The following SPINT4 variants were observed in gnomAD, a reference collection of about 807,000 sequenced individuals.
The protein encoded by SPINT4 is kunitz-type protease inhibitor 4.
A neutral mutation model predicts 9.4 loss-of-function variants in SPINT4; 7 were observed. That is an observed-to-expected ratio of 0.74 (90% confidence interval 0.42 to 1.40). The LOEUF (loss-of-function observed/expected upper bound fraction) is 1.40. Ranked by LOEUF, SPINT4 falls within the 40% of genes most tolerant of loss-of-function variation. SPINT4 has a pLI of 0.01. For missense variants in SPINT4, 105 were observed against 114.4 expected (o/e 0.92, Z 0.37); for synonymous variants, 36 against 39.9 (o/e 0.90, Z 0.37).
In SPINT4 at chr20:45,725,698, G is replaced by C; in HGVS notation, c.*63G>C. ...CGAAATAAAGACACAAGAAAATTCAGACTGATTTTGAAATCTTTGTAATAT... is the reference window on the plus strand; with the variant it reads ...CGAAATAAAGACACAAGAAAATTCACACTGATTTTGAAATCTTTGTAATAT... On this transcript the variant is annotated 3_prime_UTR_variant, in exon 3 of 3. Transcript: ENST00000279058. 2 of 1,593,516 alleles carry C rather than the reference G, an allele frequency of 1.3e-6. No individual in the cohort carries two copies. The highest frequency in any genetic ancestry group is 2.2e-5 in the South Asian group (2 of 90,452).
At position 45,722,347 on chromosome 20, in the gene SPINT4, C is replaced by T. The variant is rs1328232949; in HGVS notation, c.-21C>T. ...AACATCAGGTGATACCACAACTATCCTGCCTGCTGCTTGCTGCACCATGAA... is the reference window on the plus strand; with the variant it reads ...AACATCAGGTGATACCACAACTATCTTGCCTGCTGCTTGCTGCACCATGAA... On this transcript the variant is annotated 5_prime_UTR_variant, in exon 1 of 3. Transcript: ENST00000279058. 6.4e-7 allele frequency: 1 copy of T among 1,565,716 alleles called. No individual in the cohort carries two copies. Among genetic ancestry groups the T allele is most frequent in the South Asian group, 1.1e-5 (1 of 90,190 alleles).
intron 2 of SPINT4, among the ~76,000 whole-genome samples, chr20:45,725,013 T>TATATATATATACAC (rs1555809000): frequency 4.0e-5 from 2 of 49,502 alleles, no homozygotes; most frequent in African/African-American, 3.1e-4. Context: ...TATATATATA[T>TATATATATATACAC]ATATATATAT....
At chr20:45,724,996 ATATAT>A (rs1183635132) in intron 2 of SPINT4, among the ~76,000 whole-genome samples, 3 of 52,882 alleles carry the variant, frequency 5.7e-5, no homozygotes, top group East Asian at 5.3e-4. Flanking sequence ...AAAAAAAAAA[ATATAT>A]ATATATATAT....
chr20:45,724,126 G>T, intron 2 of SPINT4, 69 bp downstream of exon 2: 1 of 1,467,156 alleles, frequency 6.8e-7, no homozygotes, highest in South Asian at 1.3e-5. Flanking sequence ...TCCTAAGATA[G>T]AGAAAATTGA....
intron 2 of SPINT4, among the ~76,000 whole-genome samples, chr20:45,724,901 AC>A (rs1211996400): frequency 1.4e-5 from 2 of 141,106 alleles, no homozygotes; most frequent in African/African-American, 5.4e-5. Flanking sequence ...AATGGTGTGA[AC>A]CCGGGAGGCG....
chr20:45,725,448 G>C (rs6032473), intron 2 of SPINT4, among the ~76,000 whole-genome samples, 181 bp from the exon 3 acceptor site: 70,373 of 151,692 alleles, frequency 0.46, 17,959 homozygotes, highest in African/African-American at 0.67. Context: ...CACATACTAA[G>C]CAATGATTAA....
At chr20:45,725,173 C>A (rs1984918989) in intron 2 of SPINT4, among the ~76,000 whole-genome samples, 1 of 151,204 alleles carries the variant, frequency 6.6e-6, no homozygotes, top group Non-Finnish European at 1.5e-5. Flanking sequence ...GACAATCTTA[C>A]ATGGACAAGG....
Position 45,723,987 on chromosome 20 carries a change from A to G in SPINT4, c.223A>G (p.Asn75Asp), listed in dbSNP as rs1222862821. 1 of 1,610,418 alleles carries G rather than the reference A, an allele frequency of 6.2e-7. No homozygotes were observed. The highest frequency in any genetic ancestry group is 1.3e-5 in the African/African-American group (1 of 74,472). ...RCETFVFSGC[N>D]GNLNNFKLKI... ...TGAAACTTTTGTCTTCTCCGGCTGTAATGGCAACCTTAACAACTTCAAGCT... is the reference window on the plus strand; with the variant it reads ...TGAAACTTTTGTCTTCTCCGGCTGTGATGGCAACCTTAACAACTTCAAGCT... The change falls in exon 2 of 3, where the codon AAT becomes GAT. Residue 75 changes from asparagine (N) to aspartate (D), a missense_variant. By Grantham distance (23) the Asn-to-Asp change is conservative (BLOSUM62 1). Coordinates refer to ENST00000279058, the MANE Select transcript of SPINT4 (RefSeq NM_178455.3).
Position 45,725,815 on chromosome 20 carries a change from AAG to A in SPINT4, c.*183_*184del. 1 of 748,726 alleles carries A rather than the reference AAG, an allele frequency of 1.3e-6. No individual in the cohort carries two copies. The highest frequency in any genetic ancestry group is 2.2e-5 in the Admixed American group (1 of 45,644). 46.4% of individuals were successfully genotyped at this position (748,726 alleles called of 1,614,324 possible). A position where few individuals can be genotyped will look rare whatever the true frequency, so the allele number is the denominator to read the frequency against. On this transcript the variant is annotated 3_prime_UTR_variant, in exon 3 of 3. Coordinates refer to ENST00000279058, the MANE Select transcript of SPINT4 (RefSeq NM_178455.3). ...ATTAACTGTATGATCATTAGAATGA[AAG>A]AGTCTTTCTGTCAGCCCTGGCTCTC...
intron 1 of SPINT4, 34 bp from the exon 2 acceptor site, chr20:45,723,846 A>T: frequency 6.6e-7 from 1 of 1,525,080 alleles, no homozygotes; most frequent in African/African-American, 1.4e-5. Context: ...GTCCTTACCA[A>T]TTCCCACTAA....
Position 45,723,957 on chromosome 20 carries a change from A to G in SPINT4, c.193A>G (p.Arg65Gly), listed in dbSNP as rs775879098. The G allele has an allele frequency of 6.2e-7, 1 of 1,608,722 alleles. No homozygotes were observed. The highest frequency in any genetic ancestry group is 1.7e-5 in the Admixed American group (1 of 58,682). Reference sequence around the variant, plus strand: ...ATATTTCTACAACAGAACCTCCAAAAGATGTGAAACTTTTGTCTTCTCCGG... The same window carrying G: ...ATATTTCTACAACAGAACCTCCAAAGGATGTGAAACTTTTGTCTTCTCCGG... ...FRYFYNRTSK[R>G]CETFVFSGCN... The change falls in exon 2 of 3, where the codon AGA (arginine) becomes GGA (glycine). Residue 65 changes from arginine (R) to glycine (G), a missense_variant. Arg to Gly is a moderately radical substitution (Grantham distance 125). Coordinates refer to ENST00000279058, the MANE Select transcript of SPINT4 (RefSeq NM_178455.3).
rs990009946 is a variant in SPINT4, at chr20:45,722,643, G to A, written c.115+161G>A. ...TGACTCAGGGCATTACTTACACTAG[G>A]GGTCCTCTGGATGTTTGATGAGAAA... On this transcript the variant is annotated intron_variant, in intron 1 of 2. Coordinates refer to ENST00000279058, the MANE Select transcript of SPINT4 (RefSeq NM_178455.3). Among the ~76,000 whole-genome samples, 3 of 151,990 alleles carry A rather than the reference G, an allele frequency of 2.0e-5. No homozygotes were observed. In the East Asian group the frequency reaches 5.8e-4, roughly 29 times the overall value.
Position 45,725,656 on chromosome 20 carries a change from T to C in SPINT4, c.*21T>C, listed in dbSNP as rs760514509. 4.3e-6 allele frequency: 7 copies of C among 1,613,562 alleles called. No individual in the cohort carries two copies. The highest frequency in any genetic ancestry group is 3.3e-5 in the South Asian group (3 of 91,072). ...GGTGAGAGGATGTGAACTCATGAAG[T>C]TGTCTGCTGCACCATCCGAAATAAA... is the stretch of plus-strand genomic sequence containing the variant. On this transcript the variant is annotated 3_prime_UTR_variant, in exon 3 of 3. Transcript: ENST00000279058.
chr20:45,724,669 T>C (rs1406633241), intron 2 of SPINT4, among the ~76,000 whole-genome samples: 2 of 151,488 alleles, frequency 1.3e-5, no homozygotes, highest in African/African-American at 4.8e-5. Context: ...TTAACATATA[T>C]TGATATAATT....
chr20:45,724,979 C>CAAAAAAAAAAAAAAAAAAAA (rs1168670011), intron 2 of SPINT4, among the ~76,000 whole-genome samples: 2 of 27,184 alleles, frequency 7.4e-5, no homozygotes, highest in Admixed American at 5.7e-4. Flanking sequence ...GACTCCATCT[C>CAAAAAAAAAAAAAAAAAAAA]AAAAAAAAAA....
At chr20:45,722,654 A>G (rs1984827434) in intron 1 of SPINT4, among the ~76,000 whole-genome samples, 172 bp downstream of exon 1, 1 of 152,078 alleles carries the variant, frequency 6.6e-6, no homozygotes, top group Non-Finnish European at 1.5e-5. Flanking sequence ...GGTCCTCTGG[A>G]TGTTTGATGA....
chr20:45,723,887 C>A lies in SPINT4; in HGVS notation c.123C>A (p.Cys41Ter), dbSNP rs748340638. Residue 41 changes from cysteine (C) to a stop codon, truncating the protein, a stop_gained, in exon 2 of 3, where the codon TGC becomes TGA. Coordinates refer to ENST00000279058, the MANE Select transcript of SPINT4 (RefSeq NM_178455.3). LOFTEE classifies it high-confidence loss of function. ...TGGGAACCTCTCATGCAGATCCCTGCAAATTGGACATGAATTTTGGAAGCT... is the reference window on the plus strand; with the variant it reads ...TGGGAACCTCTCATGCAGATCCCTGAAAATTGGACATGAATTTTGGAAGCT... Reference protein sequence around the residue: ...EKICGDLKDPCKLDMNFGSCY... With the variant: ...EKICGDLKDP 15 of 1,588,052 alleles carry A rather than the reference C, an allele frequency of 9.4e-6. No individual in the cohort carries two copies. Among genetic ancestry groups the A allele is most frequent in the African/African-American group, 2.8e-5 (2 of 72,504 alleles).
intron 2 of SPINT4, 60 bp from the exon 3 acceptor site, chr20:45,725,569 A>G (rs1202436839): frequency 5.0e-6 from 8 of 1,600,830 alleles, no homozygotes; most frequent in Non-Finnish European, 6.9e-6. Flanking sequence ...GCATTAATCC[A>G]GGGAGACCTT....
At chr20:45,724,979 C>CAAAAAAAAA (rs1168670011) in intron 2 of SPINT4, among the ~76,000 whole-genome samples, 6 of 27,182 alleles carry the variant, frequency 2.2e-4, no homozygotes, top group Admixed American at 1.1e-3. Flanking sequence ...GACTCCATCT[C>CAAAAAAAAA]AAAAAAAAAA....
Sources: gnomAD v4.1 joint callset for allele counts (sites outside exome capture counted in the v4.1 genomes callset) on GRCh38, gnomAD v4.1.1 for gene constraint, MANE v1.5 for transcripts, NCBI Gene and HGNC (gene_info 2026-07-23, HGNC 2026-07-21) for gene names.